The following RAB5A variants were observed in gnomAD, a reference collection of about 807,000 sequenced individuals.
The protein encoded by RAB5A is RAB5A, member RAS oncogene family, also known as ras-related protein Rab-5A.
A neutral mutation model predicts 25.7 loss-of-function variants in RAB5A; 8 were observed. The ratio of observed to expected loss-of-function variants is 0.31; its 90% CI spans 0.18 to 0.56. The LOEUF is 0.56. Among genes scored for constraint, RAB5A ranks in the 20% least tolerant of loss-of-function variants. RAB5A has a pLI of 0.91. For synonymous variants in RAB5A, 98 were observed against 89.8 expected, an observed-to-expected ratio of 1.09 and a Z score of -0.52; for missense variants, 192 against 259.7, an observed-to-expected ratio of 0.74 and a Z score of 1.79.
intron 1 of RAB5A, among the ~76,000 whole-genome samples, chr3:19,950,140 A>G (rs1696402120): frequency 6.6e-6 from 1 of 152,222 alleles, no homozygotes. Context: ...CACCACATGG[A>G]GAACAACTGT....
intron 4 of RAB5A, among the ~76,000 whole-genome samples, chr3:19,976,987 G>A (rs1019086536): frequency 1.3e-5 from 2 of 151,778 alleles, no homozygotes; most frequent in Non-Finnish European, 2.9e-5. Context: ...ATCCAGTTTT[G>A]TATTACGATT....
At chr3:19,963,615 A>G (rs1273776575) in intron 2 of RAB5A, among the ~76,000 whole-genome samples, 1 of 151,754 alleles carries the variant, frequency 6.6e-6, no homozygotes, top group African/African-American at 2.4e-5. Flanking sequence ...CTTCTTTTCT[A>G]TTATGTTGTA....
chr3:19,951,591 T>C (rs59608170), intron 2 of RAB5A, among the ~76,000 whole-genome samples: 25,655 of 152,000 alleles, frequency 0.17, 2,092 homozygotes, highest in South Asian at 0.21. Flanking sequence ...AGTGTCCGGA[T>C]CATAGCTCAC....
At chr3:19,967,817 T>C (rs1358457426) in intron 2 of RAB5A, among the ~76,000 whole-genome samples, 1 of 152,204 alleles carries the variant, frequency 6.6e-6, no homozygotes, top group Non-Finnish European at 1.5e-5. Flanking sequence ...AATGTAACTC[T>C]TCCCTAACTA....
At chr3:19,965,604 A>G (rs1696650120) in intron 2 of RAB5A, among the ~76,000 whole-genome samples, 1 of 152,146 alleles carries the variant, frequency 6.6e-6, no homozygotes, top group Non-Finnish European at 1.5e-5. Flanking sequence ...AGAAATGCTA[A>G]TTTTTATTCT....
chr3:19,975,024 G>A (rs1453344399), intron 2 of RAB5A, among the ~76,000 whole-genome samples: 4 of 152,086 alleles, frequency 2.6e-5, no homozygotes, highest in South Asian at 2.1e-4. Flanking sequence ...TCAGGAGTTC[G>A]AGACCAGCCT....
chr3:19,983,293 G>A (rs1397239227), intron 5 of RAB5A, among the ~76,000 whole-genome samples: 1 of 140,062 alleles, frequency 7.1e-6, no homozygotes, highest in Non-Finnish European at 1.5e-5. Context: ...CTGAGATCAC[G>A]CCATTGCACT....
In RAB5A at chr3:19,947,264, C is replaced by CACCG; in HGVS notation, c.-351_-350insACCG. On this transcript the variant is annotated 5_prime_UTR_variant, in exon 1 of 6. Coordinates refer to ENST00000273047, the MANE Select transcript of RAB5A (RefSeq NM_004162.5). The stretch of plus-strand genomic sequence containing the variant: ...GAGGAAGAATTAGTCGGAACTCCAG[C>CACCG]GCCGGCGGCGGCGGCGGCGGCGGAG... 6.2e-6 allele frequency: 1 copy of CACCG among 160,366 alleles called. No individual in the cohort carries two copies. Among genetic ancestry groups the CACCG allele is most frequent in the Non-Finnish European group, 1.1e-5 (1 of 87,264 alleles). 9.9% of individuals were successfully genotyped at this position (160,366 alleles called of 1,614,324 possible).
intron 2 of RAB5A, among the ~76,000 whole-genome samples, chr3:19,956,221 A>G (rs951014369): frequency 1.3e-5 from 2 of 152,062 alleles, no homozygotes; most frequent in Admixed American, 1.3e-4. Flanking sequence ...TAATCCCAGC[A>G]CTTTGGGAGG....
intron 5 of RAB5A, among the ~76,000 whole-genome samples, chr3:19,981,325 C>G (rs1696922663): frequency 6.6e-6 from 1 of 152,070 alleles, no homozygotes; most frequent in South Asian, 2.1e-4. Flanking sequence ...TATCATAAAT[C>G]AGGCTGGGCG....
intron 4 of RAB5A, among the ~76,000 whole-genome samples, chr3:19,977,073 CTTTT>C (rs752373114): frequency 7.8e-5 from 11 of 141,776 alleles, no homozygotes; most frequent in African/African-American, 2.8e-4. Context: ...TCTATTTAGA[CTTTT>C]TTTTTTTTTT....
chr3:19,976,169 G>A lies in RAB5A; in HGVS notation c.438G>A (p.Gln146=), dbSNP rs1424757768. 6.2e-7 allele frequency: 1 copy of A among 1,600,090 alleles called. No homozygotes were observed. Among genetic ancestry groups the A allele is most frequent in the Admixed American group, 1.8e-5 (1 of 56,798 alleles). The stretch of plus-strand genomic sequence containing the variant: ...CAAATAAAAGAGCAGTAGATTTCCA[G>A]GTATGTTAAATTTAACTCTCATTTG... ...DLANKRAVDF[Q]EAQSYADDNS... Residue 146 remains glutamine, a splice_region_variant and synonymous_variant, in exon 4 of 6, where the codon CAG becomes CAA. Transcript: ENST00000273047.
At position 19,976,147 on chromosome 3, in the gene RAB5A, A is replaced by G. The variant is rs1696822110; in HGVS notation, c.416A>G (p.Asn139Ser). 6.2e-7 allele frequency: 1 copy of G among 1,610,444 alleles called. No individual in the cohort carries two copies. Among genetic ancestry groups the G allele is most frequent in the Admixed American group, 1.7e-5 (1 of 59,228 alleles). ...TCGGGAAACAAGGCCGACCTAGCAA[A>G]TAAAAGAGCAGTAGATTTCCAGGTA... ...ALSGNKADLA[N>S]KRAVDFQEAQ... The change falls in exon 4 of 6, where the codon AAT becomes AGT. Residue 139 changes from asparagine to serine, a missense_variant. Around this residue, in one of 3 missense-constraint regions of RAB5A, gnomAD observed 121 missense variants for 135.7 expected, o/e 0.89. Coordinates refer to ENST00000273047, the MANE Select transcript of RAB5A (RefSeq NM_004162.5).
chr3:19,960,509 C>T (rs553103732), intron 2 of RAB5A, among the ~76,000 whole-genome samples: 2 of 152,270 alleles, frequency 1.3e-5, no homozygotes, highest in South Asian at 4.2e-4. Flanking sequence ...CCATGTTTCC[C>T]AGGCTGGTCG....
chr3:19,956,969 G>T (rs2125180882), intron 2 of RAB5A, among the ~76,000 whole-genome samples: 1 of 139,938 alleles, frequency 7.1e-6, no homozygotes, highest in East Asian at 2.0e-4. Flanking sequence ...TTTTTAAACA[G>T]CCTGCTCTGT....
At chr3:19,978,134 C>T (rs1696854781) in intron 4 of RAB5A, among the ~76,000 whole-genome samples, 176 bp from the exon 5 acceptor site, 1 of 152,150 alleles carries the variant, frequency 6.6e-6, no homozygotes, top group Non-Finnish European at 1.5e-5. Context: ...ATAAAATTAT[C>T]TTGCACAGTG....
chr3:19,977,874 T>C (rs978154697), intron 4 of RAB5A, among the ~76,000 whole-genome samples: 2 of 152,230 alleles, frequency 1.3e-5, no homozygotes, highest in African/African-American at 4.8e-5. Context: ...GTAGAAGTCA[T>C]TGAAAATTAA....
intron 2 of RAB5A, among the ~76,000 whole-genome samples, chr3:19,963,375 C>CGA (rs1559488472): frequency 8.7e-6 from 1 of 115,344 alleles, no homozygotes; most frequent in African/African-American, 3.5e-5. Context: ...CCCCCCCCCC[C>CGA]CCCGACTTAT....
intron 2 of RAB5A, among the ~76,000 whole-genome samples, chr3:19,956,407 T>C (rs1448940150): frequency 1.3e-5 from 2 of 152,134 alleles, no homozygotes; most frequent in Non-Finnish European, 2.9e-5. Flanking sequence ...TGAGCCGAGA[T>C]CGCGCCATTG....
Sources: gnomAD v4.1 joint callset for allele counts (sites outside exome capture counted in the v4.1 genomes callset) on GRCh38, gnomAD v4.1.1 for gene constraint, gnomAD v4.1.1 regional missense constraint, MANE v1.5 for transcripts, NCBI Gene and HGNC (gene_info 2026-07-23, HGNC 2026-07-21) for gene names.